The following DYNAP variants were observed in gnomAD, a reference collection of about 807,000 sequenced individuals.
DYNAP encodes the protein dynactin-associated protein.
A neutral mutation model predicts 8.5 loss-of-function variants in DYNAP; 7 were observed. That is an observed-to-expected ratio of 0.82 (90% CI 0.47 to 1.54). The LOEUF is 1.54. Among genes scored for constraint, DYNAP ranks in the 40% most tolerant of loss-of-function variants. The pLI, the probability that DYNAP is intolerant of heterozygous loss-of-function variation, is 0.01. For synonymous variants in DYNAP, 77 were observed against 77.9 expected, an observed-to-expected ratio of 0.99 and a Z score of 0.06; for missense variants, 256 against 224.3, an observed-to-expected ratio of 1.14 and a Z score of -0.90.
upstream of DYNAP, among the ~76,000 whole-genome samples, chr18:54,590,347 ACTC>A (rs1205257046): frequency 6.6e-6 from 1 of 151,910 alleles, no homozygotes; most frequent in African/African-American, 2.4e-5. Context: ...CGTATTTTAA[ACTC>A]CTCTTTAGAA....
the DYNAP span, among the ~76,000 whole-genome samples, chr18:54,578,046 G>A: frequency 9.9e-5 from 15 of 152,006 alleles, no homozygotes; most frequent in East Asian, 2.1e-3. Flanking sequence ...CAGAGTATTC[G>A]GGACAGACTG....
intron 1 of DYNAP, among the ~76,000 whole-genome samples, chr18:54,593,949 A>T (rs931019113): frequency 6.6e-6 from 1 of 151,694 alleles, no homozygotes; most frequent in African/African-American, 2.4e-5. Flanking sequence ...AACAAAACAG[A>T]ACAAAACAAA....
At chr18:54,583,100 A>C (rs1910772861), upstream of DYNAP, among the ~76,000 whole-genome samples, 1 of 152,130 alleles carries the variant, frequency 6.6e-6, no homozygotes, top group African/African-American at 2.4e-5. Context: ...ACACCTTAGG[A>C]AAACAGAAAC....
chr18:54,594,319 T>C (rs1408454506), intron 1 of DYNAP, among the ~76,000 whole-genome samples: 3 of 152,120 alleles, frequency 2.0e-5, no homozygotes, highest in Admixed American at 6.6e-5. Flanking sequence ...GCAAGTTCCA[T>C]TGGATAGAGC....
chr18:54,581,171 G>A, the DYNAP span, among the ~76,000 whole-genome samples: 1 of 152,066 alleles, frequency 6.6e-6, no homozygotes, highest in African/African-American at 2.4e-5. Flanking sequence ...AAATTATCTT[G>A]TTTATATAAG....
the DYNAP span, among the ~76,000 whole-genome samples, chr18:54,578,851 G>A: frequency 6.6e-6 from 1 of 152,158 alleles, no homozygotes; most frequent in South Asian, 2.1e-4. Flanking sequence ...CCAGGCTGGA[G>A]TGCAGTGGCA....
chr18:54,591,243 A>T (rs749482165), upstream of DYNAP: 26 of 1,612,598 alleles, frequency 1.6e-5, no homozygotes, highest in Non-Finnish European at 2.0e-5. Flanking sequence ...AAATTGAAAA[A>T]TATTCTTGGA....
At chr18:54,588,916 C>G (rs974720509), upstream of DYNAP, among the ~76,000 whole-genome samples, 6 of 152,058 alleles carry the variant, frequency 3.9e-5, no homozygotes, top group African/African-American at 1.4e-4. Flanking sequence ...TCACAAGGAT[C>G]TTTCATGCTT....
upstream of DYNAP, chr18:54,591,187 C>T (rs1911056040): frequency 1.9e-6 from 3 of 1,604,004 alleles, no homozygotes; most frequent in African/African-American, 1.3e-5. Flanking sequence ...TGACTTCCAC[C>T]AGTGTTTTAA....
upstream of DYNAP, among the ~76,000 whole-genome samples, chr18:54,587,373 G>A (rs958834183): frequency 5.9e-5 from 9 of 152,232 alleles, no homozygotes; most frequent in South Asian, 2.1e-4. Context: ...GCAACACAGC[G>A]AGGTCCTGGC....
chr18:54,582,004 C>T, the DYNAP span, among the ~76,000 whole-genome samples: 15 of 152,062 alleles, frequency 9.9e-5, no homozygotes, highest in African/African-American at 2.7e-4. Context: ...TGAAATGATC[C>T]GGCCGGGCGC....
chr18:54,592,681 C>CT (rs1365529648), intron 1 of DYNAP, among the ~76,000 whole-genome samples: 2 of 152,098 alleles, frequency 1.3e-5, no homozygotes, highest in African/African-American at 4.8e-5. Flanking sequence ...TATGCTAATG[C>CT]TGGTTAACAT....
At chr18:54,582,226 T>G in the DYNAP span, among the ~76,000 whole-genome samples, 1 of 151,918 alleles carries the variant, frequency 6.6e-6, no homozygotes, top group Non-Finnish European at 1.5e-5. Flanking sequence ...GTGGAGGTTG[T>G]AGTGAGCGGA....
chr18:54,593,598 G>T lies in DYNAP; in HGVS notation c.58-1341G>T, dbSNP rs112542380. Among the ~76,000 whole-genome samples the T allele has an allele frequency of 2.2e-3, 337 of 152,176 alleles. 3 individuals are homozygous for T. The highest frequency in any genetic ancestry group is 7.2e-3 in the African/African-American group (298 of 41,530). On this transcript the variant is annotated intron_variant, in intron 1 of 2. Transcript: ENST00000648945. ...ACGTTATCATCCTGTGAGATGAAGA[G>T]CCTTAGATCATTCTACATTATGTTT...
At chr18:54,592,981 A>T (rs944144247) in intron 1 of DYNAP, among the ~76,000 whole-genome samples, 1 of 152,198 alleles carries the variant, frequency 6.6e-6, no homozygotes, top group Admixed American at 6.6e-5. Context: ...TGTAATGAAA[A>T]CAACAGGATC....
At chr18:54,588,174 TA>T (rs1910947099), upstream of DYNAP, among the ~76,000 whole-genome samples, 1 of 152,104 alleles carries the variant, frequency 6.6e-6, no homozygotes, top group East Asian at 1.9e-4. Context: ...ATGCCTGTGA[TA>T]CATTAGGCAC....
chr18:54,593,858 T>A (rs1333317217), intron 1 of DYNAP, among the ~76,000 whole-genome samples: 1 of 152,108 alleles, frequency 6.6e-6, no homozygotes, highest in Non-Finnish European at 1.5e-5. Flanking sequence ...GCTTGAGCCT[T>A]GGGAGGTCGA....
intron 1 of DYNAP, among the ~76,000 whole-genome samples, chr18:54,592,295 G>T (rs1474477561): frequency 6.6e-6 from 1 of 151,862 alleles, no homozygotes; most frequent in Non-Finnish European, 1.5e-5. Flanking sequence ...ATTATCCTTG[G>T]TCAGGTATGT....
Position 54,598,275 on chromosome 18 carries a change from T to A in DYNAP, c.*130T>A, listed in dbSNP as rs752460267. On this transcript the variant is annotated 3_prime_UTR_variant, in exon 3 of 3. Coordinates refer to ENST00000648945, the MANE Select transcript of DYNAP (RefSeq NM_173629.3). ...GCTGCAGTCACTTTAACAGACTCTA[T>A]AACCGTTACAACTTCAACAAAATCA... 21 of 957,046 alleles carry A rather than the reference T, an allele frequency of 2.2e-5. No homozygotes were observed. The highest frequency in any genetic ancestry group is 2.7e-5 in the Non-Finnish European group (18 of 664,386). The allele number at this position is 957,046 out of a possible 1,614,324, so 59.3% of individuals were successfully genotyped here.
Sources: gnomAD v4.1 joint callset for allele counts (sites outside exome capture counted in the v4.1 genomes callset) on GRCh38, gnomAD v4.1.1 for gene constraint, MANE v1.5 for transcripts, NCBI Gene and HGNC (gene_info 2026-07-23, HGNC 2026-07-21) for gene names.